INTS7: variants seen among roughly 807,000 people sequenced by gnomAD.
The protein encoded by INTS7 is integrator complex subunit 7, also known as chromosome 1 open reading frame 73.
In INTS7, 46 loss-of-function variants were observed where a neutral mutation model predicts 109.2. The observed-to-expected ratio is 0.42, with a 90% CI of 0.33 to 0.54. The LOEUF is 0.54. Among genes scored for constraint, INTS7 ranks in the 20% least tolerant of loss-of-function variants. The pLI is 0.07. For synonymous variants in INTS7, 412 were observed against 402.9 expected, an observed-to-expected ratio of 1.02 and a Z score of -0.27; for missense variants, 929 against 1,132.4, an observed-to-expected ratio of 0.82 and a Z score of 2.58.
At position 212,006,779 on chromosome 1, in the gene INTS7, C is replaced by T; in HGVS notation, c.757-18G>A. 6.3e-7 allele frequency: 1 copy of T among 1,584,484 alleles called. No homozygotes were observed. The highest frequency in any genetic ancestry group is 8.6e-7 in the Non-Finnish European group (1 of 1,161,430). Reference sequence around the variant, plus strand: ...AGCTGAATCTATAAAGGAAATAAGTCACTCCATAAACAATACTGTAACTGA... The same window carrying T: ...AGCTGAATCTATAAAGGAAATAAGTTACTCCATAAACAATACTGTAACTGA... On this transcript the variant is annotated intron_variant, in intron 6 of 19. Transcript: ENST00000366994.
rs79098581 is a variant in INTS7, at chr1:211,959,860, C to A, written c.2183+6570G>T. Among the ~76,000 whole-genome samples, 3,970 of 152,296 alleles carry A rather than the reference C, an allele frequency of 0.026. 58 individuals carry two copies. Among genetic ancestry groups the A allele is most frequent in the African/African-American group, 0.046 (1,911 of 41,550 alleles). On this transcript the variant is annotated intron_variant, in intron 16 of 19. Coordinates refer to ENST00000366994, the MANE Select transcript of INTS7 (RefSeq NM_015434.4). The surrounding 1 kb of genome is among the most constrained non-coding windows in gnomAD (Gnocchi z 4.2). ...CAGTTACCAACAGGGTTCCCCTGCA[C>A]CCCACCGGCCACCTGCGCTGCCTCT...
chr1:212,014,733 C>T (rs1392736097), intron 4 of INTS7, among the ~76,000 whole-genome samples: 19 of 151,950 alleles, frequency 1.3e-4, no homozygotes, highest in Admixed American at 3.9e-4. Context: ...TTGGTGGAGA[C>T]GGGGTTTCGC....
chr1:211,962,461 T>C (rs1663678408), intron 16 of INTS7, among the ~76,000 whole-genome samples: 2 of 151,962 alleles, frequency 1.3e-5, no homozygotes, highest in Non-Finnish European at 1.5e-5. Flanking sequence ...CATGACAGTA[T>C]TAGATCACTG....
chr1:211,961,430 C>CTTT (rs768933469), intron 16 of INTS7, among the ~76,000 whole-genome samples: 30 of 143,806 alleles, frequency 2.1e-4, no homozygotes, highest in African/African-American at 7.4e-4. Context: ...ATATTCAATT[C>CTTT]TTTTTTTTTT....
At chr1:211,993,679 CAA>C (rs1333287349) in intron 7 of INTS7, among the ~76,000 whole-genome samples, 9 of 54,738 alleles carry the variant, frequency 1.6e-4, no homozygotes, top group Non-Finnish European at 7.2e-5. Context: ...GACTAAAACT[CAA>C]AAAAAAAAAA....
intron 10 of INTS7, among the ~76,000 whole-genome samples, chr1:211,978,823 T>A (rs1005890395): frequency 2.6e-5 from 4 of 152,194 alleles, no homozygotes; most frequent in Non-Finnish European, 5.9e-5. Context: ...AATGTCACCA[T>A]CACTGTATTA....
At chr1:212,014,284 C>G (rs2102479483) in intron 4 of INTS7, among the ~76,000 whole-genome samples, 1 of 151,842 alleles carries the variant, frequency 6.6e-6, no homozygotes, top group South Asian at 2.1e-4. Context: ...GGCCAACGTG[C>G]TGAAACCCCA....
chr1:211,976,334 A>G (rs77364614), intron 12 of INTS7, among the ~76,000 whole-genome samples: 3,977 of 152,296 alleles, frequency 0.026, 58 homozygotes, highest in African/African-American at 0.046. Flanking sequence ...TGAAAGTGGC[A>G]CTAACAACCT....
At chr1:212,021,427 T>A (rs373395864) in intron 1 of INTS7, among the ~76,000 whole-genome samples, 264 of 151,952 alleles carry the variant, frequency 1.7e-3, no homozygotes, top group African/African-American at 5.6e-3. Flanking sequence ...TGAAAAAAAA[T>A]TTTTTAAAGG....
intron 7 of INTS7, among the ~76,000 whole-genome samples, chr1:211,998,828 C>A (rs894520993): frequency 4.6e-5 from 7 of 151,520 alleles, no homozygotes; most frequent in Admixed American, 1.3e-4. Flanking sequence ...GACAAAAAAA[C>A]CTAATAAAAA....
chr1:211,953,383 T>C (rs1663200944), intron 16 of INTS7, among the ~76,000 whole-genome samples: 1 of 152,194 alleles, frequency 6.6e-6, no homozygotes. Flanking sequence ...ATTTTATTTT[T>C]TTAACTTATT....
At chr1:211,994,727 C>A in intron 7 of INTS7, among the ~76,000 whole-genome samples, 2 of 149,320 alleles carry the variant, frequency 1.3e-5, no homozygotes, top group Non-Finnish European at 1.5e-5. Flanking sequence ...GCTACTGTGC[C>A]CAGAGGAAAA....
At chr1:211,994,732 G>C (rs578025347) in intron 7 of INTS7, among the ~76,000 whole-genome samples, 1 of 148,370 alleles carries the variant, frequency 6.7e-6, no homozygotes, top group East Asian at 2.0e-4. Context: ...TGTGCCCAGA[G>C]GAAAAAAATT....
intron 18 of INTS7, among the ~76,000 whole-genome samples, chr1:211,945,790 C>G (rs1662822821): frequency 6.6e-6 from 1 of 152,212 alleles, no homozygotes; most frequent in African/African-American, 2.4e-5. Flanking sequence ...CCAACAATTT[C>G]ATTTTCTGAA....
intron 8 of INTS7, among the ~76,000 whole-genome samples, chr1:211,986,104 G>A (rs1391598524): frequency 6.6e-6 from 1 of 152,172 alleles, no homozygotes; most frequent in Admixed American, 6.5e-5. Context: ...AAATGCTTTT[G>A]TGTTGGTGGC....
chr1:211,984,204 A>G (rs1240613469), intron 8 of INTS7, among the ~76,000 whole-genome samples: 2 of 152,038 alleles, frequency 1.3e-5, no homozygotes, highest in African/African-American at 2.4e-5. Context: ...CTATATCTTT[A>G]TTTTTTCAAA....
chr1:212,014,687 A>T (rs1210846787), intron 4 of INTS7, among the ~76,000 whole-genome samples: 2 of 150,576 alleles, frequency 1.3e-5, no homozygotes, highest in Admixed American at 1.3e-4. Context: ...CTGGGATTGC[A>T]GGTGCGCCGC....
chr1:211,996,569 C>T (rs1665400549), intron 7 of INTS7, among the ~76,000 whole-genome samples: 1 of 152,006 alleles, frequency 6.6e-6, no homozygotes, highest in Non-Finnish European at 1.5e-5. Context: ...GAAAATTAAT[C>T]ACTTCAAAAG....
chr1:211,944,307 G>A (rs79932443), intron 19 of INTS7, among the ~76,000 whole-genome samples: 4,451 of 152,226 alleles, frequency 0.029, 82 homozygotes, highest in African/African-American at 0.057. Context: ...TAGCAGGGAG[G>A]AGGTGAGTCT....
Sources: gnomAD v4.1 joint callset for allele counts (sites outside exome capture counted in the v4.1 genomes callset) on GRCh38, gnomAD v4.1.1 for gene constraint, Gnocchi (gnomAD v3.1) non-coding constraint, MANE v1.5 for transcripts, NCBI Gene and HGNC (gene_info 2026-07-23, HGNC 2026-07-21) for gene names.